Variants in TUBA1C observed in about 807,000 individuals in gnomAD.
TUBA1C encodes the protein tubulin alpha-1C chain.
Under a neutral mutation model 34.9 loss-of-function variants are expected in TUBA1C, and 16 were observed. The ratio of observed to expected loss-of-function variants is 0.46; its 90% CI spans 0.31 to 0.70. TUBA1C has a LOEUF of 0.70. Among genes scored for constraint, TUBA1C ranks in the 30% least tolerant of loss-of-function variants. TUBA1C has a pLI of 0.05. For missense variants in TUBA1C, 329 were observed against 587.3 expected (o/e 0.56, Z 4.55); for synonymous variants, 177 against 215.9 (o/e 0.82, Z 1.58).
At chr12:49,234,864 C>G (rs1473094375) in intron 1 of TUBA1C, among the ~76,000 whole-genome samples, 3 of 152,180 alleles carry the variant, frequency 2.0e-5, no homozygotes, top group Non-Finnish European at 2.9e-5. Flanking sequence ...GTTGCCCAGG[C>G]TGGAGTGCAC....
In TUBA1C at chr12:49,274,547, G is replaced by C. The variant is rs545601217; in HGVS notation, c.*1320G>C. On this transcript the variant is annotated 3_prime_UTR_variant, in exon 4 of 4. Coordinates refer to ENST00000301072, the MANE Select transcript of TUBA1C (RefSeq NM_032704.5). ...GCTGGAGCCAAAATTCAAGTGCCCA[G>C]CCACACTGCCAGAACTATTGCTGTC... 6.6e-6 allele frequency: 1 copy of C among 152,032 alleles called. No individual in the cohort carries two copies. The highest frequency in any genetic ancestry group is 1.5e-5 in the Non-Finnish European group (1 of 68,034). 9.4% of individuals were successfully genotyped at this position (152,032 alleles called of 1,614,324 possible).
chr12:49,245,140 G>C (rs2136997011), intron 1 of TUBA1C, among the ~76,000 whole-genome samples: 1 of 152,082 alleles, frequency 6.6e-6, no homozygotes, highest in African/African-American at 2.4e-5. Context: ...AATTACAAGG[G>C]GTTTATTCAC....
intron 1 of TUBA1C, chr12:49,256,475 T>C (rs746204607): frequency 2.2e-6 from 1 of 455,030 alleles, no homozygotes; most frequent in Non-Finnish European, 4.4e-6. Flanking sequence ...AAGTCGATTT[T>C]GTAGTTACAG....
At position 49,272,423 on chromosome 12, in the gene TUBA1C, T is replaced by G. The variant is rs1284944786; in HGVS notation, c.546T>G (p.Val182=). 6.2e-7 allele frequency: 1 copy of G among 1,613,754 alleles called. No homozygotes were observed. ...CGCCCCAGGTTTCCACAGCTGTAGTTGAGCCCTACAACTCCATCCTCACCA... is the reference window on the plus strand; with the variant it reads ...CGCCCCAGGTTTCCACAGCTGTAGTGGAGCCCTACAACTCCATCCTCACCA... ...YPAPQVSTAV[V]EPYNSILTTH... Residue 182 remains valine (V), a synonymous_variant, in exon 4 of 4, where the codon GTT becomes GTG. Coordinates refer to ENST00000301072, the MANE Select transcript of TUBA1C (RefSeq NM_032704.5).
rs11542114 is a variant in TUBA1C, at chr12:49,273,237, T to C, written c.*10T>C. ...GGGTGAAGAGTATTAACCTGTGTGCTGTACTTTTACACTCCTTTGTCTTGG... is the reference window on the plus strand; with the variant it reads ...GGGTGAAGAGTATTAACCTGTGTGCCGTACTTTTACACTCCTTTGTCTTGG... On this transcript the variant is annotated 3_prime_UTR_variant, in exon 4 of 4. Coordinates refer to ENST00000301072, the MANE Select transcript of TUBA1C (RefSeq NM_032704.5). 6.2e-7 allele frequency: 1 copy of C among 1,614,242 alleles called. No individual in the cohort carries two copies. The highest frequency in any genetic ancestry group is 8.5e-7 in the Non-Finnish European group (1 of 1,180,044).
intron 1 of TUBA1C, among the ~76,000 whole-genome samples, chr12:49,268,247 C>T (rs1592287166): frequency 6.6e-6 from 1 of 152,150 alleles, no homozygotes; most frequent in Admixed American, 6.5e-5. Context: ...TACAGGCGCG[C>T]ACCACCATGC....
At chr12:49,265,332 C>CT in intron 1 of TUBA1C, 148 bp downstream of exon 1, 1 of 547,210 alleles carries the variant, frequency 1.8e-6, no homozygotes, top group South Asian at 3.9e-5. Context: ...GGCGGCCGGG[C>CT]TGGAAGGTCG....
intron 1 of TUBA1C, among the ~76,000 whole-genome samples, chr12:49,267,113 T>G (rs1344372655): frequency 6.6e-6 from 1 of 152,200 alleles, no homozygotes; most frequent in Non-Finnish European, 1.5e-5. Flanking sequence ...TTCTCCCACG[T>G]GGCCAGGGGA....
chr12:49,244,235 G>A (rs978809981), intron 1 of TUBA1C, among the ~76,000 whole-genome samples: 1 of 151,728 alleles, frequency 6.6e-6, no homozygotes, highest in Non-Finnish European at 1.5e-5. Flanking sequence ...GGCCCTAAAT[G>A]GGGCTCTAAA....
intron 1 of TUBA1C, among the ~76,000 whole-genome samples, chr12:49,238,205 T>C (rs1254507791): frequency 6.6e-6 from 1 of 151,950 alleles, no homozygotes; most frequent in Non-Finnish European, 1.5e-5. Context: ...GTGACTAGAA[T>C]AGGAAATACT....
chr12:49,255,723 G>A (rs1942777360), intron 1 of TUBA1C, among the ~76,000 whole-genome samples: 1 of 151,948 alleles, frequency 6.6e-6, no homozygotes, highest in African/African-American at 2.4e-5. Context: ...CTGCCACCAC[G>A]CCTGGCTAAT....
At position 49,271,019 on chromosome 12, in the gene TUBA1C, T is replaced by G. The variant is rs1942985714; in HGVS notation, c.375+1043T>G. Among the ~76,000 whole-genome samples, 3 of 152,286 alleles carry G rather than the reference T, an allele frequency of 2.0e-5. No individual in the cohort carries two copies. In the South Asian group the frequency reaches 6.2e-4, roughly 32 times the overall value. On this transcript the variant is annotated intron_variant, in intron 3 of 3. Transcript: ENST00000301072. The stretch of plus-strand genomic sequence containing the variant: ...CAAAAAAAACCCTAAGCTTTAGTTA[T>G]AAGCACTGACTTGGAAAATCAGGGA...
chr12:49,260,165 G>C (rs1377795700), upstream of TUBA1C, among the ~76,000 whole-genome samples: 5 of 152,108 alleles, frequency 3.3e-5, no homozygotes, highest in Non-Finnish European at 7.4e-5. Context: ...TTTCCTCCAA[G>C]AGAATTTTAT....
upstream of TUBA1C, among the ~76,000 whole-genome samples, chr12:49,261,920 G>T (rs1346235915): frequency 6.6e-6 from 1 of 152,110 alleles, no homozygotes; most frequent in African/African-American, 2.4e-5. Context: ...CTAATGTTCT[G>T]GTGATTCTTC....
At chr12:49,254,290 A>G (rs1348048673) in intron 1 of TUBA1C, among the ~76,000 whole-genome samples, 1 of 151,776 alleles carries the variant, frequency 6.6e-6, no homozygotes, top group Non-Finnish European at 1.5e-5. Context: ...TAGCCTGGGC[A>G]ACAAGAGTGA....
At chr12:49,242,466 T>G (rs1942627311) in intron 1 of TUBA1C, among the ~76,000 whole-genome samples, 1 of 151,990 alleles carries the variant, frequency 6.6e-6, no homozygotes, top group Admixed American at 6.6e-5. Flanking sequence ...GTTGTGTGTG[T>G]TTTTGTTTTG....
intron 1 of TUBA1C, among the ~76,000 whole-genome samples, chr12:49,253,667 A>G (rs1055401249): frequency 2.6e-5 from 4 of 152,144 alleles, no homozygotes; most frequent in African/African-American, 9.7e-5. Flanking sequence ...AGCTGGGACT[A>G]CAGGCATGTA....
At chr12:49,264,576 G>T (rs1484668626), upstream of TUBA1C, 1 of 152,116 alleles carries the variant, frequency 6.6e-6, no homozygotes, top group Non-Finnish European at 1.5e-5. Flanking sequence ...GGCGTAGGGA[G>T]CGCAGCCGCG....
rs758736997 is a variant in TUBA1C at position 49,272,330 on chromosome 12, G to A, written c.453G>A (p.Ser151=). ...GGGGAACTGGTTCTGGGTTCACCTC[G>A]CTGCTCATGGAACGTCTCTCAGTTG... is the stretch of plus-strand genomic sequence containing the variant. The part of the protein sequence containing the change: ...FGGGTGSGFT[S]LLMERLSVDY... The change falls in exon 4 of 4, where the codon TCG becomes TCA. Residue 151 remains serine, a synonymous_variant. Coordinates refer to ENST00000301072, the MANE Select transcript of TUBA1C (RefSeq NM_032704.5). 13 of 1,613,578 alleles carry A rather than the reference G, an allele frequency of 8.1e-6. No homozygotes were observed. Among genetic ancestry groups the A allele is most frequent in the South Asian group, 4.4e-5 (4 of 91,050 alleles).
Sources: allele counts gnomAD v4.1 joint callset (sites outside exome capture counted in the v4.1 genomes callset), GRCh38; gene constraint gnomAD v4.1.1; transcripts MANE v1.5; gene names NCBI Gene and HGNC (gene_info 2026-07-23, HGNC 2026-07-21).